DNAH11: variants seen among roughly 807,000 people sequenced by gnomAD.
DNAH11 encodes the protein dynein axonemal heavy chain 11.
In DNAH11, 442 loss-of-function variants were observed where a neutral mutation model predicts 526.0. The observed-to-expected ratio is 0.84, with a 90% confidence interval of 0.78 to 0.91. DNAH11 has a LOEUF of 0.91. Ranked by LOEUF, DNAH11 falls within the 40% of genes least tolerant of loss-of-function variation. The pLI, the probability that DNAH11 is intolerant of heterozygous loss-of-function variation, is 0.00. For synonymous variants in DNAH11, 2,461 were observed against 1,935.9 expected (o/e 1.27, Z -7.12); for missense variants, 6,989 against 5,448.7 (o/e 1.28, Z -8.90).
intron 61 of DNAH11, among the ~76,000 whole-genome samples, chr7:21,791,325 G>C (rs1456346595): frequency 6.6e-6 from 1 of 152,132 alleles, no homozygotes; most frequent in Admixed American, 6.5e-5. Flanking sequence ...TTTTCTTTAG[G>C]GAAGAATCTC....
chr7:21,686,986 A>G lies in DNAH11; in HGVS notation c.5622-113A>G, dbSNP rs137932225. 2.8e-5 allele frequency: 26 copies of G among 918,922 alleles called. No homozygotes were observed. In the East Asian group the frequency reaches 7.3e-4, roughly 26 times the overall value. 56.9% of individuals were successfully genotyped at this position (918,922 alleles called of 1,614,324 possible). On this transcript the variant is annotated intron_variant, in intron 32 of 81. Transcript: ENST00000409508. Reference sequence around the variant, plus strand: ...CAAATCAGAAGTATATCAGTATTTTATGCTACTATCACATTCTAGAGCTTC... The same window carrying G: ...CAAATCAGAAGTATATCAGTATTTTGTGCTACTATCACATTCTAGAGCTTC...
intron 21 of DNAH11, 75 bp from the exon 22 acceptor site, chr7:21,616,134 A>G (rs980571120): frequency 9.5e-7 from 1 of 1,048,784 alleles, no homozygotes; most frequent in Non-Finnish European, 1.5e-6. Flanking sequence ...GTGTATCATC[A>G]GTTTATATAT....
At chr7:21,841,125 A>G (rs1188840953) in intron 65 of DNAH11, among the ~76,000 whole-genome samples, 1 of 152,224 alleles carries the variant, frequency 6.6e-6, no homozygotes, top group Non-Finnish European at 1.5e-5. Context: ...TGGAGGTTGC[A>G]GTGAGCCAAA....
intron 68 of DNAH11, among the ~76,000 whole-genome samples, chr7:21,861,157 G>A (rs556395817): frequency 1.3e-5 from 2 of 152,330 alleles, no homozygotes; most frequent in Non-Finnish European, 2.9e-5. Flanking sequence ...ATGCGGGGAA[G>A]GGAGAATATA....
In DNAH11 at chr7:21,620,063, T is replaced by G; in HGVS notation, c.4485T>G (p.Thr1495=). Residue 1495 remains threonine, a synonymous_variant, in exon 25 of 82, where the codon ACT becomes ACG. Coordinates refer to ENST00000409508, the MANE Select transcript of DNAH11 (RefSeq NM_001277115.2). ...AGTCTGATGAACAACTTTTTGAAAC[T>G]CTAGAGCACAACCAAGTAAGATGGA... The part of the protein sequence containing the change: ...LLKSDEQLFE[T]LEHNQVQLQT... 1 of 1,593,796 alleles carries G rather than the reference T, an allele frequency of 6.3e-7. No individual in the cohort carries two copies. Among genetic ancestry groups the G allele is most frequent in the Non-Finnish European group, 8.5e-7 (1 of 1,173,550 alleles).
intron 25 of DNAH11, among the ~76,000 whole-genome samples, chr7:21,621,211 A>G (rs1786037956): frequency 6.6e-6 from 1 of 152,202 alleles, no homozygotes. Context: ...CAAATAAACT[A>G]GAAAATCTAG....
intron 7 of DNAH11, 139 bp downstream of exon 7, chr7:21,570,438 G>A: frequency 1.5e-6 from 1 of 652,658 alleles, no homozygotes; most frequent in South Asian, 2.4e-5. Flanking sequence ...AAGGAGCTCA[G>A]CAGGCCAATG....
chr7:21,612,775 C>A (rs1295323082), intron 20 of DNAH11, among the ~76,000 whole-genome samples: 1 of 152,008 alleles, frequency 6.6e-6, no homozygotes, highest in African/African-American at 2.4e-5. Flanking sequence ...CATATAGATA[C>A]AAACATACTA....
At chr7:21,724,568 A>G (rs886468340) in intron 44 of DNAH11, among the ~76,000 whole-genome samples, 6 of 150,032 alleles carry the variant, frequency 4.0e-5, no homozygotes, top group Middle Eastern at 3.4e-3. Flanking sequence ...AGGTCATGCT[A>G]TGGATATAGG....
intron 18 of DNAH11, 80 bp from the exon 19 acceptor site, chr7:21,606,346 A>T: frequency 8.5e-7 from 1 of 1,176,504 alleles, no homozygotes; most frequent in Non-Finnish European, 1.2e-6. Flanking sequence ...AAAAGAAAGA[A>T]ATTAGAGTCA....
At chr7:21,649,557 G>A (rs765289279) in intron 28 of DNAH11, among the ~76,000 whole-genome samples, 1 of 152,010 alleles carries the variant, frequency 6.6e-6, no homozygotes, top group Non-Finnish European at 1.5e-5. Context: ...AAAAGAGTAC[G>A]TACTATGTGA....
chr7:21,844,709 C>G (rs746378359), intron 66 of DNAH11, among the ~76,000 whole-genome samples: 110 of 152,232 alleles, frequency 7.2e-4, no homozygotes, highest in Non-Finnish European at 1.9e-4. Context: ...CCAGATCCCA[C>G]TAAATGAGAA....
Position 21,704,503 on chromosome 7 carries a change from G to A in DNAH11, c.6343G>A (p.Gly2115Ser), listed in dbSNP as rs778995624. ...IVTDDIPVFLGLVGDLFPALD... is the reference protein window; with the variant it reads ...IVTDDIPVFLSLVGDLFPALD... ...GACTGACGACATCCCAGTGTTTCTG[G>A]GCCTGGTCGGTGACCTGTTTCCAGC... is the stretch of plus-strand genomic sequence containing the variant. Residue 2115 changes from glycine (G) to serine (S), a missense_variant, in exon 38 of 82, where the codon GGC (glycine) becomes AGC (serine). Physicochemically the swap from Gly to Ser is moderately conservative, Grantham distance 56. Transcript: ENST00000409508. 1.2e-6 allele frequency: 2 copies of A among 1,613,754 alleles called. No individual in the cohort carries two copies. The highest frequency in any genetic ancestry group is 2.2e-5 in the South Asian group (2 of 91,058).
intron 36 of DNAH11, among the ~76,000 whole-genome samples, chr7:21,702,308 GAGA>G (rs1184992538): frequency 6.6e-6 from 1 of 152,174 alleles, no homozygotes; most frequent in East Asian, 1.9e-4. Flanking sequence ...CAAGTCTGGG[GAGA>G]AGTAGAATAC....
intron 45 of DNAH11, among the ~76,000 whole-genome samples, chr7:21,728,494 A>G (rs1336608879): frequency 6.6e-6 from 1 of 151,832 alleles, no homozygotes; most frequent in Non-Finnish European, 1.5e-5. Context: ...CCTGACCTCA[A>G]GTGATGCACC....
chr7:21,560,983 T>C, intron 4 of DNAH11, 88 bp from the exon 5 acceptor site: 3 of 914,830 alleles, frequency 3.3e-6, no homozygotes, highest in South Asian at 3.1e-5. Flanking sequence ...GTGAGTGAAA[T>C]GGAATTTAAA....
At chr7:21,655,014 C>T (rs1326182978) in intron 28 of DNAH11, among the ~76,000 whole-genome samples, 1 of 152,090 alleles carries the variant, frequency 6.6e-6, no homozygotes, top group Non-Finnish European at 1.5e-5. Flanking sequence ...CTGACTTCTG[C>T]AAAATAAATG....
intron 28 of DNAH11, among the ~76,000 whole-genome samples, 173 bp downstream of exon 28, chr7:21,639,238 G>A (rs1162726235): frequency 6.6e-6 from 1 of 152,156 alleles, no homozygotes; most frequent in Non-Finnish European, 1.5e-5. Context: ...GCAAAAGGGA[G>A]TAGGAAGAAT....
At chr7:21,672,266 C>A (rs148551446) in intron 30 of DNAH11, among the ~76,000 whole-genome samples, 1 of 152,268 alleles carries the variant, frequency 6.6e-6, no homozygotes, top group African/African-American at 2.4e-5. Flanking sequence ...CTTTGATCTG[C>A]TAAGCTGAGG....
Sources: gnomAD v4.1 joint callset for allele counts (sites outside exome capture counted in the v4.1 genomes callset) on GRCh38, gnomAD v4.1.1 for gene constraint, MANE v1.5 for transcripts, NCBI Gene and HGNC (gene_info 2026-07-23, HGNC 2026-07-21) for gene names.